The following DST variants were observed in gnomAD, a reference collection of about 807,000 sequenced individuals.
DST encodes dystonin.
DST carries 253 observed loss-of-function variants against 875.2 expected under a neutral mutation model. That is an observed-to-expected ratio of 0.29 (90% CI 0.26 to 0.32). The LOEUF (loss-of-function observed/expected upper bound fraction) is 0.32. Ranked by LOEUF, DST falls within the 10% of genes least tolerant of loss-of-function variation. DST has a pLI of 1.00. For synonymous variants in DST, 3,124 were observed against 3,197.1 expected, an observed-to-expected ratio of 0.98 and a Z score of 0.77; for missense variants, 8,287 against 9,111.6, an observed-to-expected ratio of 0.91 and a Z score of 3.68.
At chr6:56,481,028 C>A (rs577987326) in intron 90 of DST, among the ~76,000 whole-genome samples, 1 of 152,110 alleles carries the variant, frequency 6.6e-6, no homozygotes, top group Non-Finnish European at 1.5e-5. Flanking sequence ...CAAATTTAAA[C>A]GGTGTATATA....
intron 2 of DST, among the ~76,000 whole-genome samples, chr6:56,946,957 A>G (rs1819827801): frequency 6.6e-6 from 1 of 152,202 alleles, no homozygotes; most frequent in Admixed American, 6.5e-5. Context: ...CTTCATATTA[A>G]AATTTGTAAT....
At chr6:56,851,316 G>T in intron 4 of DST, 81 bp downstream of exon 4, 1 of 1,326,430 alleles carries the variant, frequency 7.5e-7, no homozygotes, top group Non-Finnish European at 1.0e-6. Flanking sequence ...ATCAGCTCCC[G>T]CTATGGCCCC....
At position 56,609,226 on chromosome 6, in the gene DST, T is replaced by C. The variant is rs1273465430; in HGVS notation, c.5402A>G (p.Gln1801Arg). The C allele has an allele frequency of 6.2e-7, 1 of 1,613,822 alleles. No homozygotes were observed. The highest frequency in any genetic ancestry group is 2.2e-5 in the East Asian group (1 of 44,890). The part of the protein sequence containing the change: ...YDTGIRLLET[Q>R]LMISGLISPE... ...TGAAATTAGACCAGAAATCATTAGC[T>C]GTGTCTCAAGCAACCTAATTCCTGT... The change falls in exon 40 of 104, where the codon CAG becomes CGG. Residue 1801 changes from glutamine to arginine, a missense_variant. Physicochemically the swap from Gln to Arg is conservative, Grantham distance 43. Coordinates refer to ENST00000680361, the MANE Select transcript of DST (RefSeq NM_001374736.1).
intron 15 of DST, among the ~76,000 whole-genome samples, chr6:56,644,120 C>A (rs2098928641): frequency 6.6e-6 from 1 of 152,150 alleles, no homozygotes; most frequent in South Asian, 2.1e-4. Flanking sequence ...CTTTTATGAA[C>A]ATATCTTAAA....
At chr6:56,626,501 C>T (rs1478579817) in intron 34 of DST, among the ~76,000 whole-genome samples, 1 of 152,084 alleles carries the variant, frequency 6.6e-6, no homozygotes, top group Non-Finnish European at 1.5e-5. Flanking sequence ...TACCATATGC[C>T]TAAGTGTGTA....
rs1824317714 is a variant in DST, at chr6:56,954,673, G to GGCACGGGTGA, written c.-96_-87dup. 1 of 969,370 alleles carries GGCACGGGTGA rather than the reference G, an allele frequency of 1.0e-6. No individual in the cohort carries two copies. Among genetic ancestry groups the GGCACGGGTGA allele is most frequent in the Non-Finnish European group, 1.3e-6 (1 of 778,434 alleles). The allele number at this position is 969,370 out of a possible 1,614,324, so 60.0% of individuals were successfully genotyped here. ...GCGCTGGGCGCACGCCGGGACGGCG[G>GGCACGGGTGA]GCACGGGTGAGCGCGGCTCAGCGCG... is the stretch of plus-strand genomic sequence containing the variant. On this transcript the variant is annotated 5_prime_UTR_variant, in exon 1 of 104. Coordinates refer to ENST00000680361, the MANE Select transcript of DST (RefSeq NM_001374736.1).
At position 56,503,627 on chromosome 6, in the gene DST, A is replaced by C. The variant is rs570752448; in HGVS notation, c.19566+370T>G. ...CACACACACACACACACACACACAC[A>C]CCCCATGTCCCTAACATGAAGATAT... On this transcript the variant is annotated intron_variant, in intron 78 of 103. Transcript: ENST00000680361. 9.4e-4 allele frequency among the ~76,000 whole-genome samples: 141 copies of C among 149,544 alleles called. 1 individual carries two copies. The Middle Eastern group carries it at 0.014, about 15-fold the overall frequency.
intron 36 of DST, chr6:56,615,873 T>G: frequency 6.2e-7 from 1 of 1,614,222 alleles, no homozygotes; most frequent in Non-Finnish European, 8.5e-7. Context: ...ATTTTGTTAG[T>G]GATGGGATGG....
At chr6:56,585,483 CTT>C (rs1297300189) in intron 49 of DST, among the ~76,000 whole-genome samples, 3 of 151,876 alleles carry the variant, frequency 2.0e-5, no homozygotes, top group African/African-American at 7.3e-5. Flanking sequence ...ATTCTTCTCT[CTT>C]TTTTTCTTTA....
intron 36 of DST, chr6:56,620,500 A>C: frequency 6.2e-7 from 1 of 1,613,928 alleles, no homozygotes; most frequent in Non-Finnish European, 8.5e-7. Context: ...TATCTTCTAC[A>C]TTTCTCTGCT....
At chr6:56,767,654 T>TAAAA (rs2099637388) in intron 4 of DST, among the ~76,000 whole-genome samples, 1 of 119,148 alleles carries the variant, frequency 8.4e-6, no homozygotes. Flanking sequence ...AATAAATAAA[T>TAAAA]AAAACAAATA....
chr6:56,730,366 C>T (rs1478158678), intron 5 of DST, among the ~76,000 whole-genome samples: 2 of 151,880 alleles, frequency 1.3e-5, no homozygotes, highest in East Asian at 1.9e-4. Flanking sequence ...TTTCTCTGTC[C>T]CCCACCCCAT....
At chr6:56,654,621 T>C (rs2098995681) in intron 10 of DST, among the ~76,000 whole-genome samples, 1 of 151,178 alleles carries the variant, frequency 6.6e-6, no homozygotes, top group Non-Finnish European at 1.5e-5. Context: ...CACGTATATA[T>C]ACATATACAG....
chr6:56,562,685 G>A (rs2097557525), intron 55 of DST, among the ~76,000 whole-genome samples: 1 of 151,850 alleles, frequency 6.6e-6, no homozygotes, highest in Non-Finnish European at 1.5e-5. Flanking sequence ...GAGGTTTGCT[G>A]CACCCGTCAA....
At chr6:56,724,917 T>C (rs996064435) in intron 5 of DST, among the ~76,000 whole-genome samples, 2 of 152,206 alleles carry the variant, frequency 1.3e-5, no homozygotes, top group African/African-American at 4.8e-5. Context: ...AATCTGAAGC[T>C]TTTTGACAAT....
chr6:56,605,934 A>G lies in DST; in HGVS notation c.8694T>C (p.Tyr2898=). The change falls in exon 40 of 104, where the codon TAT becomes TAC. Residue 2898 remains tyrosine, a synonymous_variant. Coordinates refer to ENST00000680361, the MANE Select transcript of DST (RefSeq NM_001374736.1). ...LVTEKSNLPE[Y]TTEIAGKSKE... Reference sequence around the variant, plus strand: ...TGCTTTTTCCAGCAATCTCAGTTGTATATTCTGGAAGGTTGCTTTTTTCAG... The same window carrying G: ...TGCTTTTTCCAGCAATCTCAGTTGTGTATTCTGGAAGGTTGCTTTTTTCAG... The G allele has an allele frequency of 1.9e-6, 3 of 1,612,834 alleles. No individual in the cohort carries two copies. The highest frequency in any genetic ancestry group is 2.2e-5 in the South Asian group (2 of 91,058).
chr6:56,514,962 T>C (rs949713526), intron 72 of DST, among the ~76,000 whole-genome samples: 2 of 151,912 alleles, frequency 1.3e-5, no homozygotes, highest in Non-Finnish European at 2.9e-5. Context: ...TCTGTCTTTA[T>C]ACTTCATCAT....
At chr6:56,742,453 C>A in intron 4 of DST, 1 of 875,360 alleles carries the variant, frequency 1.1e-6, no homozygotes, top group South Asian at 1.4e-5. Context: ...GACACTCCTA[C>A]TTGCAAGCTG....
chr6:56,613,853 T>C (rs899123027), intron 37 of DST, among the ~76,000 whole-genome samples: 5 of 152,180 alleles, frequency 3.3e-5, no homozygotes, highest in Non-Finnish European at 5.9e-5. Flanking sequence ...TGATTGACTG[T>C]AGACACTTCC....
Sources: allele counts gnomAD v4.1 joint callset (sites outside exome capture counted in the v4.1 genomes callset), GRCh38; gene constraint gnomAD v4.1.1; transcripts MANE v1.5; gene names NCBI Gene and HGNC (gene_info 2026-07-23, HGNC 2026-07-21).